CBL: variants seen among roughly 807,000 people sequenced by gnomAD.
CBL encodes Cbl proto-oncogene.
In CBL, 45 loss-of-function variants were observed where a neutral mutation model predicts 96.9. The ratio of observed to expected loss-of-function variants is 0.46; its 90% CI spans 0.37 to 0.60. CBL has a LOEUF of 0.60. Ranked by LOEUF, CBL falls within the 20% of genes least tolerant of loss-of-function variation. The probability of loss-of-function intolerance (pLI) is 0.00; values close to 1 mark genes in which losing one functional copy is unlikely to be tolerated. For missense variants in CBL, 1,024 were observed against 1,143.5 expected, an observed-to-expected ratio of 0.90 and a Z score of 1.51; for synonymous variants, 420 against 426.8, an observed-to-expected ratio of 0.98 and a Z score of 0.20.
chr11:119,299,644 G>A lies in CBL; in HGVS notation c.2584G>A (p.Glu862Lys), dbSNP rs397507498. ...TASPQLSSEI[E>K]NLMSQGYSYQ... The stretch of plus-strand genomic sequence containing the variant: ...CTCACCTCAGCTCTCCAGTGAGATC[G>A]AGAACCTCATGAGTCAGGGGTACTC... Residue 862 changes from glutamate to lysine, a missense_variant, in exon 16 of 16, where the codon GAG becomes AAG. Physicochemically the swap from Glu to Lys is moderately conservative, Grantham distance 56. Around this residue, in one of 4 missense-constraint regions of CBL, gnomAD observed 695 missense variants for 661.6 expected, o/e 1.05. Coordinates refer to ENST00000264033, the MANE Select transcript of CBL (RefSeq NM_005188.4). The A allele has an allele frequency of 2.0e-5, 33 of 1,614,030 alleles. No individual in the cohort carries two copies. Among genetic ancestry groups the A allele is most frequent in the Middle Eastern group, 1.6e-4 (1 of 6,084 alleles).
rs398017760 is a variant in CBL at position 119,283,625 on chromosome 11, C to CTTTTT, written c.1432-1318_1432-1314dup. Reference sequence around the variant, plus strand: ...AAATATTAATCCTTTTTAATTCTTTCTTTTTTTTTTTTTTTTTTTTTTTTT... The same window carrying CTTTTT: ...AAATATTAATCCTTTTTAATTCTTTCTTTTTTTTTTTTTTTTTTTTTTTTTTTTTT... On this transcript the variant is annotated intron_variant, in intron 9 of 15. Transcript: ENST00000264033. Among the ~76,000 whole-genome samples the CTTTTT allele has an allele frequency of 4.4e-3, 200 of 45,544 alleles. 10 individuals are homozygous for CTTTTT. The highest frequency in any genetic ancestry group is 5.7e-3 in the South Asian group (4 of 702). The allele number at this position is 45,544 out of a possible 152,430, so 29.9% of individuals were successfully genotyped here.
chr11:119,265,555 A>G (rs186990749), intron 2 of CBL, among the ~76,000 whole-genome samples: 442 of 152,324 alleles, frequency 2.9e-3, no homozygotes, highest in African/African-American at 0.01. Context: ...GTTGGAGACC[A>G]GCCTGGGCAA....
chr11:119,207,797 G>A (rs561809016), intron 1 of CBL, among the ~76,000 whole-genome samples: 1 of 152,096 alleles, frequency 6.6e-6, no homozygotes, highest in African/African-American at 2.4e-5. Flanking sequence ...TTTCCTCCAG[G>A]GTAAAATTTG....
intron 2 of CBL, among the ~76,000 whole-genome samples, chr11:119,269,075 T>G (rs1040989073): frequency 4.6e-5 from 7 of 152,168 alleles, no homozygotes; most frequent in African/African-American, 1.7e-4. Flanking sequence ...GATTAACTTG[T>G]GCTTTGTAGG....
intron 2 of CBL, among the ~76,000 whole-genome samples, chr11:119,236,595 G>GTA (rs71048051): frequency 0.12 from 16,590 of 137,416 alleles, 1,015 homozygotes; most frequent in South Asian, 0.22. Flanking sequence ...CTTCTTTTGA[G>GTA]TATATATATA....
intron 2 of CBL, among the ~76,000 whole-genome samples, chr11:119,263,085 G>A (rs1411901177): frequency 4.6e-5 from 7 of 152,172 alleles, no homozygotes; most frequent in African/African-American, 2.4e-5. Flanking sequence ...GCTTAGTAAA[G>A]CATCTAATCC....
Position 119,300,483 on chromosome 11 carries a change from T to C in CBL, c.*702T>C. ...AGCCTTACTGAGGCCAAGCAGCTTA[T>C]GGGATGTTCTTTATTGTGTGTGATG... On this transcript the variant is annotated 3_prime_UTR_variant, in exon 16 of 16. Coordinates refer to ENST00000264033, the MANE Select transcript of CBL (RefSeq NM_005188.4). 2.5e-6 allele frequency: 1 copy of C among 402,592 alleles called. No homozygotes were observed. Among genetic ancestry groups the C allele is most frequent in the Non-Finnish European group, 4.4e-6 (1 of 228,190 alleles). 24.9% of individuals were successfully genotyped at this position (402,592 alleles called of 1,614,324 possible).
chr11:119,278,118 T>C (rs762194144), intron 7 of CBL, 48 bp from the exon 8 acceptor site: 2 of 1,405,050 alleles, frequency 1.4e-6, no homozygotes, highest in Non-Finnish European at 1.0e-6. Flanking sequence ...CATTTATAAT[T>C]GCAGTTATTT....
intron 12 of CBL, among the ~76,000 whole-genome samples, chr11:119,296,263 C>G (rs1950061754): frequency 6.6e-6 from 1 of 151,992 alleles, no homozygotes; most frequent in Non-Finnish European, 1.5e-5. Flanking sequence ...GTCTTTTTTT[C>G]CCCCCTACAA....
intron 2 of CBL, among the ~76,000 whole-genome samples, chr11:119,246,761 T>G (rs1481786163): frequency 6.6e-6 from 1 of 152,212 alleles, no homozygotes; most frequent in African/African-American, 2.4e-5. Flanking sequence ...CGAGTATTAG[T>G]TTCTTAAAAG....
At chr11:119,291,446 C>T (rs1435177567) in intron 12 of CBL, among the ~76,000 whole-genome samples, 4 of 152,162 alleles carry the variant, frequency 2.6e-5, no homozygotes, top group African/African-American at 9.7e-5. Flanking sequence ...TGCCTCATGC[C>T]TGTAATCTCA....
intron 2 of CBL, among the ~76,000 whole-genome samples, chr11:119,257,006 C>G (rs889566815): frequency 1.3e-5 from 2 of 152,196 alleles, no homozygotes; most frequent in Non-Finnish European, 2.9e-5. Context: ...CCATATCTTA[C>G]AGTTGTGCAT....
chr11:119,288,541 A>G (rs1451749389), intron 12 of CBL, among the ~76,000 whole-genome samples: 4 of 152,276 alleles, frequency 2.6e-5, no homozygotes, highest in Admixed American at 2.0e-4. Flanking sequence ...CACCAATGCT[A>G]CTGGGTCCTC....
intron 2 of CBL, among the ~76,000 whole-genome samples, chr11:119,251,522 G>A (rs1453772820): frequency 6.6e-6 from 1 of 152,184 alleles, no homozygotes; most frequent in African/African-American, 2.4e-5. Context: ...ATCATATAAA[G>A]TAGTAAACTA....
At chr11:119,259,044 A>G (rs951582985) in intron 2 of CBL, among the ~76,000 whole-genome samples, 2 of 152,110 alleles carry the variant, frequency 1.3e-5, no homozygotes, top group Admixed American at 6.6e-5. Flanking sequence ...TCTTTCAGCT[A>G]TTGTAAAAGG....
Position 119,305,309 on chromosome 11 carries a change from G to A in CBL, c.*5528G>A, listed in dbSNP as rs913662198. 3.9e-5 allele frequency: 9 copies of A among 231,972 alleles called. No individual in the cohort carries two copies. The highest frequency in any genetic ancestry group is 6.8e-5 in the Non-Finnish European group (8 of 117,330). 14.4% of individuals were successfully genotyped at this position (231,972 alleles called of 1,614,324 possible). On this transcript the variant is annotated 3_prime_UTR_variant, in exon 16 of 16. Coordinates refer to ENST00000264033, the MANE Select transcript of CBL (RefSeq NM_005188.4). ...GCCAGCCTGTCCTGTTCCAGAGCTA[G>A]CCTGTTCCTGGGTAGCCTTCCTTAG...
chr11:119,292,193 G>A (rs374080173), intron 12 of CBL, among the ~76,000 whole-genome samples: 7 of 151,968 alleles, frequency 4.6e-5, no homozygotes, highest in Non-Finnish European at 7.4e-5. Context: ...CCAAACCTCC[G>A]TAAGTTTGGT....
chr11:119,287,869 A>C lies in CBL; in HGVS notation c.1959A>C (p.Pro653=). Residue 653 remains proline (P), a synonymous_variant, in exon 12 of 16, where the codon CCA becomes CCC. Coordinates refer to ENST00000264033, the MANE Select transcript of CBL (RefSeq NM_005188.4). Reference sequence around the variant, plus strand: ...CTTTCCAGAGTATGAATAGCAGCCCATTAGTAGGTCCAGAGTGTGACCACC... The same window carrying C: ...CTTTCCAGAGTATGAATAGCAGCCCCTTAGTAGGTCCAGAGTGTGACCACC... ...LDTSMSMNSS[P]LVGPECDHPK... 2 of 1,611,690 alleles carry C rather than the reference A, an allele frequency of 1.2e-6. No homozygotes were observed. Among genetic ancestry groups the C allele is most frequent in the South Asian group, 2.2e-5 (2 of 91,050 alleles).
chr11:119,265,208 T>C (rs1286535080), intron 2 of CBL, among the ~76,000 whole-genome samples: 6 of 152,198 alleles, frequency 3.9e-5, no homozygotes, highest in Admixed American at 2.0e-4. Context: ...AATGAAAGTT[T>C]TGTTTCCTTC....
Sources: allele counts gnomAD v4.1 joint callset (sites outside exome capture counted in the v4.1 genomes callset), GRCh38; gene constraint gnomAD v4.1.1; regional missense constraint gnomAD v4.1.1; transcripts MANE v1.5; gene names NCBI Gene and HGNC (gene_info 2026-07-23, HGNC 2026-07-21).